MIDEAS: variants seen among roughly 807,000 people sequenced by gnomAD.
MIDEAS encodes mitotic deacetylase associated SANT domain protein, also known as mitotic deacetylase-associated SANT domain protein.
A neutral mutation model predicts 102.7 loss-of-function variants in MIDEAS; 26 were observed. That is an observed-to-expected ratio of 0.25 (90% CI 0.19 to 0.35). The LOEUF is 0.35. Among genes scored for constraint, MIDEAS ranks in the 10% least tolerant of loss-of-function variants. The pLI is 1.00. For missense variants in MIDEAS, 1,231 were observed against 1,435.6 expected, an observed-to-expected ratio of 0.86 and a Z score of 2.30; for synonymous variants, 585 against 591.0, an observed-to-expected ratio of 0.99 and a Z score of 0.15.
At chr14:73,740,951 C>T (rs534889984) in intron 1 of MIDEAS, among the ~76,000 whole-genome samples, 1 of 152,370 alleles carries the variant, frequency 6.6e-6, no homozygotes, top group South Asian at 2.1e-4. Context: ...GTGTGCAGTC[C>T]TAGCCCCACC....
upstream of MIDEAS, among the ~76,000 whole-genome samples, chr14:73,764,502 G>A (rs1272094901): frequency 6.6e-6 from 1 of 151,906 alleles, no homozygotes; most frequent in African/African-American, 2.4e-5. Flanking sequence ...GTCCTCCAAC[G>A]CTTCTCTCCC....
Position 73,729,687 on chromosome 14 carries a change from G to A in MIDEAS, c.2048C>T (p.Pro683Leu), listed in dbSNP as rs770035950. 1 of 1,613,818 alleles carries A rather than the reference G, an allele frequency of 6.2e-7. No individual in the cohort carries two copies. The highest frequency in any genetic ancestry group is 1.1e-5 in the South Asian group (1 of 91,076). Residue 683 changes from proline (P) to leucine (L), a missense_variant, in exon 4 of 13, where the codon CCT becomes CTT. Physicochemically the swap from Pro to Leu is moderately conservative, Grantham distance 98. Coordinates refer to ENST00000423556, the MANE Select transcript of MIDEAS (RefSeq NM_001367710.1). ...AIISTSTIPA[P>L]PPITPKSAHR... ...GGCACTCTTAGGCGTGATGGGAGGA[G>A]GGGCAGGGATGGTGCTGGTTGATAT...
upstream of MIDEAS, among the ~76,000 whole-genome samples, chr14:73,762,244 G>A (rs940674497): frequency 2.0e-5 from 3 of 152,200 alleles, no homozygotes; most frequent in African/African-American, 7.2e-5. Flanking sequence ...AAACCTGACT[G>A]GGAAGCACAT....
chr14:73,787,603 G>C (rs1566615322), upstream of MIDEAS: 2 of 152,282 alleles, frequency 1.3e-5, no homozygotes, highest in African/African-American at 4.8e-5. Context: ...GGAGGGGAAA[G>C]AAAAAGTTTT....
chr14:73,756,295 T>TGTGTGTGCGA lies in MIDEAS; in HGVS notation c.-248+3467_-248+3468insTCGCACACAC, dbSNP rs55692592. On this transcript the variant is annotated intron_variant, in intron 1 of 12. Transcript: ENST00000423556. ...GTGTGTGTGTGTGTGTGTGTGTGTG[T>TGTGTGTGCGA]GCGCGCGCGCGTGCGCGCTGAGGTG... Among the ~76,000 whole-genome samples the TGTGTGTGCGA allele has an allele frequency of 2.8e-3, 357 of 127,714 alleles. 3 individuals carry two copies. Among genetic ancestry groups the TGTGTGTGCGA allele is most frequent in the African/African-American group, 9.2e-3 (345 of 37,440 alleles). The allele number at this position is 127,714 out of a possible 152,430, so 83.8% of individuals were successfully genotyped here. A position where few individuals can be genotyped will look rare whatever the true frequency, so the allele number is the denominator to read the frequency against.
chr14:73,769,204 G>A (rs2053619618), intron 1 of MIDEAS, among the ~76,000 whole-genome samples: 1 of 152,240 alleles, frequency 6.6e-6, no homozygotes, highest in Non-Finnish European at 1.5e-5. Flanking sequence ...CTGAGGTGGT[G>A]AGCTGGGCAG....
chr14:73,736,917 C>A, intron 3 of MIDEAS, 81 bp downstream of exon 3: 1 of 1,393,602 alleles, frequency 7.2e-7, no homozygotes. Context: ...CCTACATTGC[C>A]ATGTTCTCCT....
At chr14:73,756,493 C>T (rs1336812653) in intron 1 of MIDEAS, among the ~76,000 whole-genome samples, 1 of 152,194 alleles carries the variant, frequency 6.6e-6, no homozygotes, top group Non-Finnish European at 1.5e-5. Flanking sequence ...ACCCTAGCCC[C>T]GGCCCAGCAT....
At chr14:73,784,058 G>A (rs556133907) in intron 1 of MIDEAS, among the ~76,000 whole-genome samples, 25 of 152,312 alleles carry the variant, frequency 1.6e-4, no homozygotes, top group African/African-American at 5.8e-4. Context: ...TGGCACCTCG[G>A]GGTTTCCGCC....
chr14:73,789,640 T>A (rs1262813038), upstream of MIDEAS, among the ~76,000 whole-genome samples: 2 of 152,172 alleles, frequency 1.3e-5, no homozygotes, highest in African/African-American at 2.4e-5. Context: ...TGCACAGCCT[T>A]CCTGATAGAA....
intron 1 of MIDEAS, among the ~76,000 whole-genome samples, chr14:73,776,843 C>T (rs879056849): frequency 6.6e-6 from 1 of 151,800 alleles, no homozygotes; most frequent in African/African-American, 2.4e-5. Flanking sequence ...GAGGCCGAGG[C>T]GGGTGGATCA....
chr14:73,716,159 C>G lies in MIDEAS; in HGVS notation c.*2684G>C, dbSNP rs555610272. On this transcript the variant is annotated 3_prime_UTR_variant, in exon 13 of 13. Transcript: ENST00000423556. ...GGGAGAAAGCACCATTAAGGATATA[C>G]CTATGCCAGCTTCTATAGCTGCACC... The G allele has an allele frequency of 6.5e-6, 1 of 152,686 alleles. No homozygotes were observed. The highest frequency in any genetic ancestry group is 1.5e-5 in the Non-Finnish European group (1 of 68,046). 9.5% of individuals were successfully genotyped at this position (152,686 alleles called of 1,614,324 possible).
chr14:73,755,084 G>C (rs1947268814), intron 1 of MIDEAS: 1 of 152,298 alleles, frequency 6.6e-6, no homozygotes, highest in Non-Finnish European at 1.5e-5. Flanking sequence ...GAAGGAAGAA[G>C]CACTGCCTGG....
chr14:73,774,655 C>G (rs2053674067), intron 1 of MIDEAS, among the ~76,000 whole-genome samples: 2 of 151,930 alleles, frequency 1.3e-5, no homozygotes, highest in Admixed American at 1.3e-4. Flanking sequence ...GAGTGGGGCC[C>G]CGATACAGGT....
upstream of MIDEAS, chr14:73,790,284 T>C (rs1014345453): frequency 4.6e-5 from 7 of 152,210 alleles, no homozygotes; most frequent in Admixed American, 3.3e-4. Flanking sequence ...AGGAATCTAC[T>C]TGTGATTGCC....
At chr14:73,736,882 A>G (rs2053207044) in intron 3 of MIDEAS, 116 bp downstream of exon 3, 1 of 1,070,338 alleles carries the variant, frequency 9.3e-7, no homozygotes, top group Admixed American at 2.7e-5. Flanking sequence ...TAAAAATAGT[A>G]TCTCCACAGG....
At chr14:73,756,297 C>CGT (rs1276803702) in intron 1 of MIDEAS, among the ~76,000 whole-genome samples, 1 of 53,888 alleles carries the variant, frequency 1.9e-5, no homozygotes, top group African/African-American at 8.5e-5. Flanking sequence ...TGTGTGTGTG[C>CGT]GCGCGCGCGT....
chr14:73,737,802 CAG>C (rs1199619063), intron 2 of MIDEAS, among the ~76,000 whole-genome samples: 2 of 111,900 alleles, frequency 1.8e-5, no homozygotes, highest in African/African-American at 3.3e-5. Flanking sequence ...TTTTTGGAGA[CAG>C]GGGGTCTCAC....
At position 73,721,321 on chromosome 14, in the gene MIDEAS, C is replaced by T. The variant is rs750507902; in HGVS notation, c.2913G>A (p.Thr971=). 3.7e-6 allele frequency: 6 copies of T among 1,613,550 alleles called. No homozygotes were observed. Among genetic ancestry groups the T allele is most frequent in the East Asian group, 2.2e-5 (1 of 44,876 alleles). The part of the protein sequence containing the change: ...RSRRAAAVKA[T]QTLQANESAS... Reference sequence around the variant, plus strand: ...CCGACTCATTGGCCTGTAGTGTCTGCGTGGCTTTGACTGCCGCTGCCCGCC... The same window carrying T: ...CCGACTCATTGGCCTGTAGTGTCTGTGTGGCTTTGACTGCCGCTGCCCGCC... Residue 971 remains threonine, a synonymous_variant, in exon 11 of 13, where the codon ACG becomes ACA. Coordinates refer to ENST00000423556, the MANE Select transcript of MIDEAS (RefSeq NM_001367710.1).
Sources: gnomAD v4.1 joint callset for allele counts (sites outside exome capture counted in the v4.1 genomes callset) on GRCh38, gnomAD v4.1.1 for gene constraint, MANE v1.5 for transcripts, NCBI Gene and HGNC (gene_info 2026-07-23, HGNC 2026-07-21) for gene names.